Variants in MGAT1 observed in about 807,000 individuals in gnomAD.
MGAT1 encodes alpha-1,3-mannosyl-glycoprotein 2-beta-N-acetylglucosaminyltransferase, also known as N-glycosyl-oligosaccharide-glycoprotein N-acetylglucosaminyltransferase I.
A neutral mutation model predicts 31.7 loss-of-function variants in MGAT1; 14 were observed. That is an observed-to-expected ratio of 0.44 (90% confidence interval 0.29 to 0.69). MGAT1 has a LOEUF of 0.69. MGAT1 is among the 30% of genes least tolerant of loss of function. The pLI is 0.12. For synonymous variants in MGAT1, 338 were observed against 276.0 expected (o/e 1.22, Z -2.23); for missense variants, 557 against 626.0 (o/e 0.89, Z 1.18).
chr5:180,791,503 G>A lies in MGAT1; in HGVS notation c.*131C>T, dbSNP rs1365846546. The A allele has an allele frequency of 1.8e-6, 2 of 1,126,812 alleles. No individual in the cohort carries two copies. Among genetic ancestry groups the A allele is most frequent in the Admixed American group, 4.8e-5 (2 of 41,338 alleles). The allele number at this position is 1,126,812 out of a possible 1,614,324, so 69.8% of individuals were successfully genotyped here. A position where few individuals can be genotyped will look rare whatever the true frequency, so the allele number is the denominator to read the frequency against. On this transcript the variant is annotated 3_prime_UTR_variant, in exon 2 of 2. Coordinates refer to ENST00000307826, the MANE Select transcript of MGAT1 (RefSeq NM_002406.4). ...CTTGTTATCATTTGTGCACTTAAAT[G>A]CCACTCGGAAAAATCAAAAAGATAA...
At chr5:180,807,445 T>C (rs75596428), upstream of MGAT1, among the ~76,000 whole-genome samples, 3,229 of 152,294 alleles carry the variant, frequency 0.021, 39 homozygotes, top group African/African-American at 0.032. Context: ...ACAGGGCTGC[T>C]TTTATAGGGA....
intron 1 of MGAT1, among the ~76,000 whole-genome samples, 170 bp from the exon 2 acceptor site, chr5:180,793,267 A>G (rs1414368248): frequency 1.3e-5 from 2 of 152,192 alleles, no homozygotes; most frequent in Non-Finnish European, 2.9e-5. Context: ...CCAGGAACGT[A>G]TTTTTGAGGG....
At chr5:180,799,982 T>C (rs1465343083) in intron 1 of MGAT1, among the ~76,000 whole-genome samples, 1 of 152,136 alleles carries the variant, frequency 6.6e-6, no homozygotes, top group Non-Finnish European at 1.5e-5. Context: ...CATCAACCGC[T>C]AGACACAGGA....
intron 1 of MGAT1, among the ~76,000 whole-genome samples, chr5:180,812,257 C>T (rs1012550720): frequency 6.6e-6 from 1 of 152,226 alleles, no homozygotes; most frequent in African/African-American, 2.4e-5. Flanking sequence ...ACTTTCACCG[C>T]AGAGTATTCC....
chr5:180,792,306 A>G lies in MGAT1; in HGVS notation c.666T>C (p.Phe222=). 1 of 1,610,124 alleles carries G rather than the reference A, an allele frequency of 6.2e-7. No individual in the cohort carries two copies. The highest frequency in any genetic ancestry group is 8.5e-7 in the Non-Finnish European group (1 of 1,177,578). ...LEVAPDFFEY[F]RATYPLLKAD... ...CCTTCAGCAGCGGATAGGTGGCCCGAAAGTACTCGAAGAAGTCCGGGGCCA... is the reference window on the plus strand; with the variant it reads ...CCTTCAGCAGCGGATAGGTGGCCCGGAAGTACTCGAAGAAGTCCGGGGCCA... The change falls in exon 2 of 2, where the codon TTT becomes TTC. Residue 222 remains phenylalanine (F), a synonymous_variant. Coordinates refer to ENST00000307826, the MANE Select transcript of MGAT1 (RefSeq NM_002406.4).
In MGAT1 at chr5:180,791,315, A is replaced by G; in HGVS notation, c.*319T>C. The G allele has an allele frequency of 2.4e-6, 1 of 414,456 alleles. No homozygotes were observed. 25.7% of individuals were successfully genotyped at this position (414,456 alleles called of 1,614,324 possible). A position where few individuals can be genotyped will look rare whatever the true frequency, so the allele number is the denominator to read the frequency against. ...CTGGTCAAGAGAGCGAACGTTGCCA[A>G]ACTCTCTGCACATGCTCCAGGAGAA... is the stretch of plus-strand genomic sequence containing the variant. On this transcript the variant is annotated 3_prime_UTR_variant, in exon 2 of 2. Coordinates refer to ENST00000307826, the MANE Select transcript of MGAT1 (RefSeq NM_002406.4).
intron 1 of MGAT1, among the ~76,000 whole-genome samples, chr5:180,800,753 A>G (rs1417910838): frequency 2.0e-5 from 3 of 152,232 alleles, no homozygotes. Context: ...GAAGTGGACA[A>G]TGTCAAACTA....
chr5:180,792,984 C>CGGGGA lies in MGAT1; in HGVS notation c.-18_-14dup, dbSNP rs767196669. Reference sequence around the variant, plus strand: ...GCTTCTTCAGCATCCTGGCCCCCACCGGGGAGGGCAGGCCAGGGGACGGTT... The same window carrying CGGGGA: ...GCTTCTTCAGCATCCTGGCCCCCACCGGGGAGGGGAGGGCAGGCCAGGGGACGGTT... On this transcript the variant is annotated 5_prime_UTR_variant, in exon 2 of 2. Transcript: ENST00000307826. 4 of 1,612,512 alleles carry CGGGGA rather than the reference C, an allele frequency of 2.5e-6. No individual in the cohort carries two copies. The African/African-American group carries it at 5.3e-5, about 22-fold the overall frequency.
upstream of MGAT1, among the ~76,000 whole-genome samples, chr5:180,806,434 G>A (rs1438032407): frequency 6.6e-6 from 1 of 152,236 alleles, no homozygotes; most frequent in African/African-American, 2.4e-5. Flanking sequence ...GGAAGGGTCA[G>A]GTGCAGGGCA....
chr5:180,813,500 AC>A (rs1772693133), intron 1 of MGAT1, among the ~76,000 whole-genome samples: 1 of 152,168 alleles, frequency 6.6e-6, no homozygotes, highest in East Asian at 1.9e-4. Flanking sequence ...TGCTCTTTTG[AC>A]ATTGCAGTAG....
exon 2 of MGAT1, chr5:180,808,692 C>G (rs1772181610): frequency 6.6e-6 from 1 of 152,232 alleles, no homozygotes. Flanking sequence ...TCATCAAATC[C>G]CCATTCAGCA....
chr5:180,812,842 A>G (rs1057143782), intron 1 of MGAT1, among the ~76,000 whole-genome samples: 3 of 152,248 alleles, frequency 2.0e-5, no homozygotes, highest in Admixed American at 1.3e-4. Flanking sequence ...GTTTTAAAAA[A>G]TTATTAAAAA....
intron 1 of MGAT1, among the ~76,000 whole-genome samples, chr5:180,794,758 C>T (rs1457054790): frequency 1.3e-5 from 2 of 152,116 alleles, no homozygotes; most frequent in African/African-American, 4.8e-5. Context: ...TCCTTCCTAA[C>T]GTCCTCTGGT....
intron 1 of MGAT1, among the ~76,000 whole-genome samples, chr5:180,800,556 G>T (rs1455935455): frequency 2.0e-5 from 3 of 152,182 alleles, no homozygotes; most frequent in Non-Finnish European, 2.9e-5. Flanking sequence ...ATGTGGCCTG[G>T]AAATGTCCTG....
At chr5:180,815,182 T>C (rs963581398) in intron 1 of MGAT1, among the ~76,000 whole-genome samples, 14 of 152,016 alleles carry the variant, frequency 9.2e-5, no homozygotes, top group Admixed American at 7.2e-4. Context: ...TCCTCTCTTA[T>C]AAAGCCGCCA....
rs1313134801 is a variant in MGAT1, at chr5:180,792,779, G to C, written c.193C>G (p.Leu65Val). ...IRLAQDAEVE[L>V]ERQRGLLQQI... is the part of the protein sequence containing the mutation. ...TGCAGCAGCCCACGCTGCCGCTCCA[G>C]CTCCACCTCGGCGTCTTGGGCCAGG... Residue 65 changes from leucine to valine, a missense_variant, in exon 2 of 2, where the codon CTG becomes GTG. By Grantham distance (32) the Leu-to-Val change is conservative. Transcript: ENST00000307826. 1 of 1,550,524 alleles carries C rather than the reference G, an allele frequency of 6.4e-7. No individual in the cohort carries two copies. Among genetic ancestry groups the C allele is most frequent in the Admixed American group, 2.0e-5 (1 of 50,958 alleles).
chr5:180,804,085 G>A (rs905183142), upstream of MGAT1, among the ~76,000 whole-genome samples: 1 of 152,230 alleles, frequency 6.6e-6, no homozygotes, highest in Non-Finnish European at 1.5e-5. Context: ...GCGTGGAGGC[G>A]AGGACCTAAA....
chr5:180,798,166 G>A (rs555377366), intron 1 of MGAT1, among the ~76,000 whole-genome samples: 3 of 152,242 alleles, frequency 2.0e-5, no homozygotes, highest in South Asian at 4.1e-4. Context: ...TGTGAAGATC[G>A]GATGAGATGA....
intron 1 of MGAT1, among the ~76,000 whole-genome samples, chr5:180,797,334 G>C (rs774066857): frequency 2.6e-5 from 4 of 151,162 alleles, no homozygotes; most frequent in Non-Finnish European, 4.4e-5. Context: ...CCTGGGAGGC[G>C]GAGGTTGCAG....
Sources: gnomAD v4.1 joint callset for allele counts (sites outside exome capture counted in the v4.1 genomes callset) on GRCh38, gnomAD v4.1.1 for gene constraint, MANE v1.5 for transcripts, NCBI Gene and HGNC (gene_info 2026-07-23, HGNC 2026-07-21) for gene names.